NDUFAF2: variants seen among roughly 807,000 people sequenced by gnomAD.
NDUFAF2 encodes the protein NADH dehydrogenase [ubiquinone] 1 alpha subcomplex assembly factor 2.
NDUFAF2 carries 13 observed loss-of-function variants against 22.8 expected under a neutral mutation model. That is an observed-to-expected ratio of 0.57 (90% CI 0.37 to 0.91). The LOEUF (loss-of-function observed/expected upper bound fraction) is 0.91, where lower values mean the gene tolerates loss of function less well. Ranked by LOEUF, NDUFAF2 falls within the 40% of genes least tolerant of loss-of-function variation. NDUFAF2 has a pLI of 0.01. For synonymous variants in NDUFAF2, 53 were observed against 64.2 expected (o/e 0.83, Z 0.84); for missense variants, 162 against 195.2 (o/e 0.83, Z 1.01).
At chr5:61,058,434 G>A (rs955969098) in intron 1 of NDUFAF2, among the ~76,000 whole-genome samples, 7 of 151,806 alleles carry the variant, frequency 4.6e-5, no homozygotes, top group Admixed American at 2.0e-4. Context: ...TTTATATCAA[G>A]GGTGTACCAG....
intron 1 of NDUFAF2, among the ~76,000 whole-genome samples, chr5:61,052,760 C>A (rs1288149092): frequency 6.6e-6 from 1 of 152,140 alleles, no homozygotes; most frequent in Non-Finnish European, 1.5e-5. Context: ...TATAATAACA[C>A]TGAATTATGG....
At chr5:61,109,460 G>T (rs565528419) in intron 3 of NDUFAF2, among the ~76,000 whole-genome samples, 1 of 152,100 alleles carries the variant, frequency 6.6e-6, no homozygotes, top group South Asian at 2.1e-4. Context: ...TTGTCTGATT[G>T]CTCTAACTAG....
chr5:61,104,900 T>C (rs1268358669), intron 3 of NDUFAF2, among the ~76,000 whole-genome samples: 1 of 152,120 alleles, frequency 6.6e-6, no homozygotes, highest in Non-Finnish European at 1.5e-5. Flanking sequence ...GTCTGACCCC[T>C]AGCAATGGAA....
chr5:61,091,417 A>C (rs1413975134), intron 2 of NDUFAF2, among the ~76,000 whole-genome samples: 1 of 151,930 alleles, frequency 6.6e-6, no homozygotes, highest in Non-Finnish European at 1.5e-5. Context: ...TTTCTTTAAC[A>C]ATCAGTAATG....
At position 61,130,248 on chromosome 5, in the gene NDUFAF2, T is replaced by A. The variant is rs183749080; in HGVS notation, c.259-22456T>A. 6.4e-4 allele frequency among the ~76,000 whole-genome samples: 98 copies of A among 152,272 alleles called. 2 individuals carry two copies. The highest frequency in any genetic ancestry group is 2.2e-3 in the African/African-American group (93 of 41,584). On this transcript the variant is annotated intron_variant, in intron 3 of 3. Transcript: ENST00000296597. ...AAATATCACTTTCCTTGAAATGAGT[T>A]ATGAATTGCCATCCCAGAGGATATC...
chr5:61,021,749 T>G (rs2112604216), intron 1 of NDUFAF2, among the ~76,000 whole-genome samples: 1 of 152,358 alleles, frequency 6.6e-6, no homozygotes. Flanking sequence ...CATGCTCATT[T>G]GTACTTTCCT....
intron 1 of NDUFAF2, among the ~76,000 whole-genome samples, chr5:60,999,550 G>T (rs905686176): frequency 6.6e-6 from 1 of 151,998 alleles, no homozygotes; most frequent in Non-Finnish European, 1.5e-5. Flanking sequence ...AAATTGCCAG[G>T]GTTAGGGGAG....
chr5:60,999,655 T>C (rs1751271703), intron 1 of NDUFAF2, among the ~76,000 whole-genome samples: 1 of 152,082 alleles, frequency 6.6e-6, no homozygotes, highest in Non-Finnish European at 1.5e-5. Flanking sequence ...GTTCTGAACA[T>C]GCTAAATGCC....
chr5:61,015,111 C>A (rs1053109867), intron 1 of NDUFAF2, among the ~76,000 whole-genome samples: 3 of 152,048 alleles, frequency 2.0e-5, no homozygotes, highest in Non-Finnish European at 2.9e-5. Context: ...ACATTGGCTT[C>A]GTTTTGAAGT....
intron 3 of NDUFAF2, among the ~76,000 whole-genome samples, chr5:61,112,015 C>G (rs1752848735): frequency 6.6e-6 from 1 of 152,048 alleles, no homozygotes; most frequent in South Asian, 2.1e-4. Flanking sequence ...CCTTGGCCTC[C>G]CAAAGACCTG....
intron 2 of NDUFAF2, among the ~76,000 whole-genome samples, chr5:61,078,408 A>C (rs149888691): frequency 9.4e-4 from 143 of 152,304 alleles, no homozygotes; most frequent in African/African-American, 3.3e-3. Context: ...TTAAGAAGAA[A>C]GACATGGAAC....
At chr5:60,975,978 G>A (rs1368457884) in intron 1 of NDUFAF2, among the ~76,000 whole-genome samples, 1 of 152,166 alleles carries the variant, frequency 6.6e-6, no homozygotes, top group African/African-American at 2.4e-5. Flanking sequence ...AATTAGTCTT[G>A]TCAATTTGGT....
At position 60,993,778 on chromosome 5, in the gene NDUFAF2, C is replaced by A. The variant is rs947717744; in HGVS notation, c.127+48396C>A. The stretch of plus-strand genomic sequence containing the variant: ...TCCTGGAGTGGGTAGTTCCTCTTTG[C>A]AGCTTGTTGTCCTGGTGTCTGCTCA... On this transcript the variant is annotated intron_variant, in intron 1 of 3. Transcript: ENST00000296597. Among the ~76,000 whole-genome samples the A allele has an allele frequency of 2.6e-5, 4 of 152,218 alleles. No homozygotes were observed. In the East Asian group the frequency reaches 5.8e-4, roughly 22 times the overall value.
chr5:61,122,205 A>G (rs1752984669), intron 3 of NDUFAF2, among the ~76,000 whole-genome samples: 1 of 152,096 alleles, frequency 6.6e-6, no homozygotes. Context: ...TTGAGCTTGG[A>G]CTTGCCTTTC....
intron 1 of NDUFAF2, among the ~76,000 whole-genome samples, chr5:60,997,807 A>G (rs2112589068): frequency 6.6e-6 from 1 of 152,056 alleles, no homozygotes; most frequent in South Asian, 2.1e-4. Flanking sequence ...TTCTTTCTTT[A>G]TATGCTTATG....
At chr5:60,955,437 A>G (rs1750602701) in intron 1 of NDUFAF2, among the ~76,000 whole-genome samples, 1 of 152,152 alleles carries the variant, frequency 6.6e-6, no homozygotes, top group Non-Finnish European at 1.5e-5. Context: ...GTCTGGTTTT[A>G]TACTGGTACC....
chr5:60,978,130 C>G (rs1299991366), intron 1 of NDUFAF2, among the ~76,000 whole-genome samples: 1 of 152,008 alleles, frequency 6.6e-6, no homozygotes, highest in Non-Finnish European at 1.5e-5. Context: ...AACTCAGTGC[C>G]CTGTCACAGT....
chr5:60,947,747 C>T (rs1368364968), intron 1 of NDUFAF2, among the ~76,000 whole-genome samples: 1 of 133,274 alleles, frequency 7.5e-6, no homozygotes, highest in African/African-American at 2.8e-5. Flanking sequence ...GCCTGGGTGA[C>T]AGAGTGAGAC....
chr5:60,981,950 A>T (rs1246494762), intron 1 of NDUFAF2, among the ~76,000 whole-genome samples: 2 of 152,186 alleles, frequency 1.3e-5, no homozygotes, highest in Non-Finnish European at 2.9e-5. Context: ...CAAAAATGAA[A>T]TAAAAATAGA....
Sources: gnomAD v4.1 joint callset for allele counts (sites outside exome capture counted in the v4.1 genomes callset) on GRCh38, gnomAD v4.1.1 for gene constraint, MANE v1.5 for transcripts, NCBI Gene and HGNC (gene_info 2026-07-23, HGNC 2026-07-21) for gene names.